The following RABGAP1L variants were observed in gnomAD, a reference collection of about 807,000 sequenced individuals.
RABGAP1L encodes the protein RAB GTPase activating protein 1 like.
A neutral mutation model predicts 137.7 loss-of-function variants in RABGAP1L; 63 were observed. That is an observed-to-expected ratio of 0.46 (90% CI 0.37 to 0.56). The LOEUF is 0.56. Among genes scored for constraint, RABGAP1L ranks in the 20% least tolerant of loss-of-function variants. The pLI is 0.00. For missense variants in RABGAP1L, 1,095 were observed against 1,244.0 expected, an observed-to-expected ratio of 0.88 and a Z score of 1.80; for synonymous variants, 431 against 433.7, an observed-to-expected ratio of 0.99 and a Z score of 0.08.
At chr1:174,855,417 A>G (rs571623260) in intron 19 of RABGAP1L, among the ~76,000 whole-genome samples, 1 of 152,350 alleles carries the variant, frequency 6.6e-6, no homozygotes, top group East Asian at 1.9e-4. Flanking sequence ...TATCCTAGAC[A>G]TAAACCAAGG....
intron 13 of RABGAP1L, among the ~76,000 whole-genome samples, chr1:174,590,465 G>A (rs1463095161): frequency 9.5e-6 from 1 of 104,764 alleles, no homozygotes; most frequent in Non-Finnish European, 1.8e-5. Flanking sequence ...GTGTCATCTA[G>A]CATTAGGTAT....
chr1:174,403,228 TG>T (rs1309182184), intron 13 of RABGAP1L, among the ~76,000 whole-genome samples: 5 of 127,042 alleles, frequency 3.9e-5, no homozygotes, highest in Admixed American at 7.6e-5. Flanking sequence ...TGTGTGTGTG[TG>T]TGTGTGTGTG....
intron 13 of RABGAP1L, among the ~76,000 whole-genome samples, chr1:174,455,817 G>A (rs1374755147): frequency 2.0e-5 from 3 of 151,994 alleles, no homozygotes; most frequent in African/African-American, 7.2e-5. Flanking sequence ...CATTATAAAC[G>A]AGGTCTATTC....
chr1:174,248,764 G>T (rs956011449), intron 5 of RABGAP1L, among the ~76,000 whole-genome samples: 3 of 152,152 alleles, frequency 2.0e-5, no homozygotes, highest in Non-Finnish European at 2.9e-5. Flanking sequence ...GAGTATTCCT[G>T]TTTCAAGCAA....
intron 13 of RABGAP1L, among the ~76,000 whole-genome samples, chr1:174,614,975 T>C (rs1671662467): frequency 6.6e-6 from 1 of 152,200 alleles, no homozygotes; most frequent in Non-Finnish European, 1.5e-5. Context: ...AGTTATACAT[T>C]TGTCTAAATT....
intron 11 of RABGAP1L, among the ~76,000 whole-genome samples, chr1:174,340,621 G>A (rs1571297680): frequency 1.3e-5 from 2 of 152,150 alleles, no homozygotes; most frequent in Admixed American, 6.5e-5. Flanking sequence ...TTTTATGGCT[G>A]CATAGTATTC....
intron 13 of RABGAP1L, among the ~76,000 whole-genome samples, chr1:174,549,819 C>T (rs944527535): frequency 1.4e-4 from 22 of 152,172 alleles, no homozygotes; most frequent in African/African-American, 5.1e-4. Flanking sequence ...GAAGACAAGA[C>T]AGTTTATAAT....
intron 19 of RABGAP1L, among the ~76,000 whole-genome samples, chr1:174,843,707 T>C (rs1265861039): frequency 1.2e-5 from 1 of 80,148 alleles, no homozygotes; most frequent in Admixed American, 1.6e-4. Context: ...TGTGTCTTTA[T>C]AGCAGCATGA....
intron 20 of RABGAP1L, among the ~76,000 whole-genome samples, chr1:174,958,525 A>G (rs1219960974): frequency 6.6e-6 from 1 of 152,190 alleles, no homozygotes. Context: ...CAGTGCCAAA[A>G]TCTCCTGCCA....
At chr1:174,267,958 C>T (rs1674213090) in intron 7 of RABGAP1L, among the ~76,000 whole-genome samples, 1 of 152,230 alleles carries the variant, frequency 6.6e-6, no homozygotes, top group East Asian at 1.9e-4. Context: ...GTGACAAATG[C>T]CTGTGTATCT....
intron 19 of RABGAP1L, among the ~76,000 whole-genome samples, chr1:174,818,856 G>GAA (rs761707023): frequency 2.1e-5 from 3 of 144,244 alleles, no homozygotes; most frequent in African/African-American, 7.6e-5. Context: ...CAGTAAAAAA[G>GAA]AAAAAAAAAA....
chr1:174,740,009 A>G (rs1683254526), intron 17 of RABGAP1L, among the ~76,000 whole-genome samples: 1 of 152,134 alleles, frequency 6.6e-6, no homozygotes, highest in South Asian at 2.1e-4. Flanking sequence ...CTCAGGGTAT[A>G]TTATTATGAT....
intron 19 of RABGAP1L, among the ~76,000 whole-genome samples, chr1:174,846,329 T>G (rs1474179594): frequency 1.3e-5 from 2 of 151,018 alleles, no homozygotes; most frequent in Non-Finnish European, 3.0e-5. Context: ...AGGGTGTCAA[T>G]TTTGGATCTT....
At chr1:174,860,951 T>C (rs899372266) in intron 19 of RABGAP1L, among the ~76,000 whole-genome samples, 8 of 152,166 alleles carry the variant, frequency 5.3e-5, no homozygotes, top group African/African-American at 1.9e-4. Context: ...GGAACACTTA[T>C]GATCTAGCAA....
At chr1:174,431,764 T>A (rs1304622076) in intron 13 of RABGAP1L, among the ~76,000 whole-genome samples, 2 of 152,150 alleles carry the variant, frequency 1.3e-5, no homozygotes, top group African/African-American at 2.4e-5. Context: ...TATGATTGTA[T>A]CAGAAGACAG....
chr1:174,315,192 ATTG>A (rs961414534), intron 11 of RABGAP1L, among the ~76,000 whole-genome samples: 1 of 152,140 alleles, frequency 6.6e-6, no homozygotes, highest in Non-Finnish European at 1.5e-5. Context: ...TATATTTAAA[ATTG>A]TTGTATCTTT....
At chr1:174,449,616 A>G (rs1179486528) in intron 13 of RABGAP1L, among the ~76,000 whole-genome samples, 1 of 152,224 alleles carries the variant, frequency 6.6e-6, no homozygotes, top group African/African-American at 2.4e-5. Flanking sequence ...TGCCCTTTGT[A>G]GAAAAGTGCT....
At position 174,637,437 on chromosome 1, in the gene RABGAP1L, C is replaced by G; in HGVS notation, c.1773C>G (p.Tyr591Ter). The G allele has an allele frequency of 6.2e-7, 1 of 1,613,184 alleles. No individual in the cohort carries two copies. Residue 591 changes from tyrosine (Y) to a stop codon, truncating the protein, a stop_gained, in exon 14 of 26, where the codon TAC becomes TAG. Coordinates refer to ENST00000681986, the MANE Select transcript of RABGAP1L (RefSeq NM_001366446.1). LOFTEE classifies it high-confidence loss of function. ...DIHRTFPAHD[Y>*]FKDTGGDGQE... ...ATCGTACATTTCCCGCACATGATTA[C>G]TTTAAAGATACTGGAGGAGATGGTC...
intron 17 of RABGAP1L, among the ~76,000 whole-genome samples, chr1:174,703,965 G>T (rs1679864520): frequency 6.6e-6 from 1 of 152,024 alleles, no homozygotes; most frequent in South Asian, 2.1e-4. Context: ...GTTGTTTAAA[G>T]ATTTCTCTTT....
Sources: gnomAD v4.1 joint callset for allele counts (sites outside exome capture counted in the v4.1 genomes callset) on GRCh38, gnomAD v4.1.1 for gene constraint, MANE v1.5 for transcripts, NCBI Gene and HGNC (gene_info 2026-07-23, HGNC 2026-07-21) for gene names.